ORC2: variants seen among roughly 807,000 people sequenced by gnomAD.
ORC2 encodes the protein origin recognition complex protein 2 homolog.
ORC2 carries 37 observed loss-of-function variants against 77.7 expected under a neutral mutation model. The ratio of observed to expected loss-of-function variants is 0.48; its 90% CI spans 0.37 to 0.63. ORC2 has a LOEUF of 0.63. ORC2 is among the 20% of genes least tolerant of loss of function. The probability of loss-of-function intolerance (pLI) is 0.00; values close to 1 mark genes in which losing one functional copy is unlikely to be tolerated. For missense variants in ORC2, 557 were observed against 661.9 expected (o/e 0.84, Z 1.74); for synonymous variants, 201 against 229.5 (o/e 0.88, Z 1.12).
At chr2:200,932,809 C>T (rs2040966743) in intron 10 of ORC2, among the ~76,000 whole-genome samples, 1 of 152,300 alleles carries the variant, frequency 6.6e-6, no homozygotes, top group Admixed American at 6.5e-5. Flanking sequence ...GGATAACATG[C>T]CTCAGCTAGC....
chr2:200,956,908 AG>A (rs1266849937), intron 4 of ORC2, among the ~76,000 whole-genome samples: 1 of 152,218 alleles, frequency 6.6e-6, no homozygotes, highest in African/African-American at 2.4e-5. Flanking sequence ...AAACTAACAC[AG>A]GAACAGAAAA....
In ORC2 at chr2:200,913,288, G is replaced by A. The variant is rs910810871; in HGVS notation, c.1647+7C>T. The A allele has an allele frequency of 2.5e-6, 4 of 1,582,920 alleles. No homozygotes were observed. The highest frequency in any genetic ancestry group is 1.1e-5 in the South Asian group (1 of 90,252). On this transcript the variant is annotated splice_region_variant and intron_variant, in intron 17 of 17. Transcript: ENST00000234296. ...TGGCATACAATGCTACAATAGTGGA[G>A]TCTTACCTTCTTTGTTCTTATAAGC...
chr2:200,911,397 T>A lies in ORC2; in HGVS notation c.1648-10A>T. On this transcript the variant is annotated splice_polypyrimidine_tract_variant and intron_variant, in intron 17 of 17. Transcript: ENST00000234296. Reference sequence around the variant, plus strand: ...CTACTCCATCAGTTCCCTGAAAGATTTAAGAATACCTGTACGTTAGTCATT... The same window carrying A: ...CTACTCCATCAGTTCCCTGAAAGATATAAGAATACCTGTACGTTAGTCATT... 6.8e-7 allele frequency: 1 copy of A among 1,470,272 alleles called. No individual in the cohort carries two copies. The highest frequency in any genetic ancestry group is 9.5e-7 in the Non-Finnish European group (1 of 1,049,354). 91.1% of individuals were successfully genotyped at this position (1,470,272 alleles called of 1,614,324 possible).
intron 10 of ORC2, among the ~76,000 whole-genome samples, chr2:200,931,918 A>C (rs1357037017): frequency 2.0e-5 from 3 of 152,230 alleles, no homozygotes; most frequent in Non-Finnish European, 4.4e-5. Context: ...CCTGTACCCC[A>C]AACTTGGAAA....
At chr2:200,957,351 C>T (rs183896017) in intron 4 of ORC2, 50 bp downstream of exon 4, 5 of 1,424,992 alleles carry the variant, frequency 3.5e-6, no homozygotes, top group Middle Eastern at 3.7e-4. Flanking sequence ...TCCTATAAAG[C>T]AATTTCTGCT....
Position 200,913,321 on chromosome 2 carries a change from C to A in ORC2, c.1621G>T (p.Asp541Tyr). ...TLRAQLTEFR[D>Y]HKLIRTKKGT... The stretch of plus-strand genomic sequence containing the variant: ...TTCTTTGTTCTTATAAGCTTGTGGT[C>A]CCTAAATTCAGTTAACTGGGCCCGG... Residue 541 changes from aspartate to tyrosine, a missense_variant, in exon 17 of 18, where the codon GAC (aspartate) becomes TAC (tyrosine). By Grantham distance (160) the Asp-to-Tyr change is radical. Transcript: ENST00000234296. 2 of 1,598,830 alleles carry A rather than the reference C, an allele frequency of 1.3e-6. No individual in the cohort carries two copies. Among genetic ancestry groups the A allele is most frequent in the South Asian group, 2.2e-5 (2 of 90,842 alleles).
In ORC2 at chr2:200,959,447, T is replaced by C. The variant is rs190283662; in HGVS notation, c.-59-7A>G. The C allele has an allele frequency of 5.3e-5, 8 of 152,286 alleles. No individual in the cohort carries two copies. The highest frequency in any genetic ancestry group is 2.0e-4 in the Admixed American group (3 of 15,298). The allele number at this position is 152,286 out of a possible 1,614,324, so 9.4% of individuals were successfully genotyped here. A position where few individuals can be genotyped will look rare whatever the true frequency, so the allele number is the denominator to read the frequency against. On this transcript the variant is annotated splice_region_variant and splice_polypyrimidine_tract_variant and intron_variant, in intron 1 of 17. Transcript: ENST00000234296. ...AAAATTCAGATACAGTCACCTGTAA[T>C]TGGAAAAATAACTCAGTCAGGGTCA...
At chr2:200,916,929 C>T (rs1241028718) in intron 15 of ORC2, among the ~76,000 whole-genome samples, 2 of 150,266 alleles carry the variant, frequency 1.3e-5, no homozygotes, top group Non-Finnish European at 2.9e-5. Context: ...CTCCTGACCT[C>T]GTGATCTGCC....
In ORC2 at chr2:200,921,421, C is replaced by T. The variant is rs561956975; in HGVS notation, c.1148-282G>A. ...CCTCCCAAAGTGCTAGGATCACAGA[C>T]GTGAACCACCATGTCCAGCTGCAAT... On this transcript the variant is annotated intron_variant, in intron 13 of 17. Coordinates refer to ENST00000234296, the MANE Select transcript of ORC2 (RefSeq NM_006190.5). The T allele has an allele frequency of 1.2e-4, 25 of 209,554 alleles. No individual in the cohort carries two copies. The South Asian group carries it at 3.5e-3, about 29-fold the overall frequency. 13.0% of individuals were successfully genotyped at this position (209,554 alleles called of 1,614,324 possible).
At chr2:200,948,558 G>GT (rs1445305007) in intron 5 of ORC2, among the ~76,000 whole-genome samples, 2 of 151,698 alleles carry the variant, frequency 1.3e-5, no homozygotes, top group African/African-American at 4.8e-5. Context: ...AAAACTCTGG[G>GT]TTTTTTTGTT....
intron 11 of ORC2, 36 bp downstream of exon 11, chr2:200,931,303 C>A (rs1290110651): frequency 3.4e-6 from 3 of 880,360 alleles, no homozygotes; most frequent in South Asian, 1.9e-5. Flanking sequence ...AAATATTATT[C>A]TTTATTTTAC....
chr2:200,929,516 C>T lies in ORC2; in HGVS notation c.917+1823G>A, dbSNP rs1431482335. ...TACTTAAGAATGACTCAGGGCTGGG[C>T]GCTGTGGCTCACACCTGTAATCCCA... is the stretch of plus-strand genomic sequence containing the variant. On this transcript the variant is annotated intron_variant, in intron 11 of 17. Coordinates refer to ENST00000234296, the MANE Select transcript of ORC2 (RefSeq NM_006190.5). Among the ~76,000 whole-genome samples, 12 of 152,218 alleles carry T rather than the reference C, an allele frequency of 7.9e-5. No individual in the cohort carries two copies. In the East Asian group the frequency reaches 1.4e-3, roughly 17 times the overall value.
intron 15 of ORC2, among the ~76,000 whole-genome samples, chr2:200,917,581 G>A (rs2040678501): frequency 6.6e-6 from 1 of 152,158 alleles, no homozygotes; most frequent in Non-Finnish European, 1.5e-5. Flanking sequence ...ATACATGGAG[G>A]TGGCAGTCAT....
rs1158807101 is a variant in ORC2, at chr2:200,915,003, C to CTT, written c.1467-1013_1467-1012dup. 1.6e-3 allele frequency among the ~76,000 whole-genome samples: 104 copies of CTT among 65,286 alleles called. 7 individuals are homozygous for CTT. The highest frequency in any genetic ancestry group is 0.011 in the Middle Eastern group (1 of 88). 42.8% of individuals were successfully genotyped at this position (65,286 alleles called of 152,430 possible). ...CTTCACTTTTTGATTCTTCCCACGT[C>CTT]TTTTTTTTTTTTTTTTTTTTTTTTT... On this transcript the variant is annotated intron_variant, in intron 15 of 17. Coordinates refer to ENST00000234296, the MANE Select transcript of ORC2 (RefSeq NM_006190.5).
intron 9 of ORC2, among the ~76,000 whole-genome samples, chr2:200,934,353 C>T (rs992743333): frequency 1.3e-5 from 2 of 151,696 alleles, no homozygotes; most frequent in Admixed American, 6.6e-5. Flanking sequence ...CTCACTCTGT[C>T]ACCCAGGCTG....
In ORC2 at chr2:200,942,753, T is replaced by C; in HGVS notation, c.353A>G (p.Gln118Arg). The part of the protein sequence containing the change: ...KLASELAKTP[Q>R]KSVSFSLKND... ...CTTCAAACTGAATGAAACACTTTTT[T>C]GTGGTGTTTTTGCTAGTTCTGAAGC... Residue 118 changes from glutamine (Q) to arginine (R), a missense_variant, in exon 6 of 18, where the codon CAA (glutamine) becomes CGA (arginine). Coordinates refer to ENST00000234296, the MANE Select transcript of ORC2 (RefSeq NM_006190.5). The C allele has an allele frequency of 6.2e-7, 1 of 1,609,754 alleles. No individual in the cohort carries two copies. Among genetic ancestry groups the C allele is most frequent in the East Asian group, 2.2e-5 (1 of 44,672 alleles).
chr2:200,932,832 C>T (rs1160052070), intron 10 of ORC2, among the ~76,000 whole-genome samples: 13 of 152,218 alleles, frequency 8.5e-5, no homozygotes, highest in Middle Eastern at 3.4e-3. Flanking sequence ...GCTGGTCCAA[C>T]GAGGAAAAGA....
chr2:200,921,172 A>ATTC, intron 13 of ORC2, 33 bp from the exon 14 acceptor site: 1 of 1,442,654 alleles, frequency 6.9e-7, no homozygotes, highest in Non-Finnish European at 9.4e-7. Flanking sequence ...TATTATTATT[A>ATTC]TTATTTTTAG....
chr2:200,926,956 T>G, intron 11 of ORC2, 56 bp from the exon 12 acceptor site: 2 of 1,524,808 alleles, frequency 1.3e-6, no homozygotes, highest in Non-Finnish European at 1.8e-6. Flanking sequence ...TATTGCCAAT[T>G]TTATTATCAA....
Sources: gnomAD v4.1 joint callset for allele counts (sites outside exome capture counted in the v4.1 genomes callset) on GRCh38, gnomAD v4.1.1 for gene constraint, MANE v1.5 for transcripts, NCBI Gene and HGNC (gene_info 2026-07-23, HGNC 2026-07-21) for gene names.